LSM8: variants seen among roughly 807,000 people sequenced by gnomAD.
LSM8 encodes LSM8 homolog, U6 small nuclear RNA associated.
LSM8 carries 14 observed loss-of-function variants against 15.0 expected under a neutral mutation model. That is an observed-to-expected ratio of 0.93 (90% CI 0.62 to 1.46). The LOEUF is 1.46. LSM8 is among the 40% of genes most tolerant of loss of function. The pLI is 0.00. For synonymous variants in LSM8, 50 were observed against 42.1 expected, an observed-to-expected ratio of 1.19 and a Z score of -0.73; for missense variants, 90 against 115.4, an observed-to-expected ratio of 0.78 and a Z score of 1.01.
rs1265109826 is a variant in LSM8 at position 118,198,891 on chromosome 7, G to A, written c.*6889G>A. 1.3e-5 allele frequency among the ~76,000 whole-genome samples: 2 copies of A among 152,124 alleles called. 1 individual carries two copies. The highest frequency in any genetic ancestry group is 1.3e-4 in the Admixed American group (2 of 15,268). Reference sequence around the variant, plus strand: ...CCTTGCTGTTACAGTTTAAGCTCTGGGAAACGAGATTCAGGAGCTAAGGTC... The same window carrying A: ...CCTTGCTGTTACAGTTTAAGCTCTGAGAAACGAGATTCAGGAGCTAAGGTC... On this transcript the variant is annotated 3_prime_UTR_variant, in exon 4 of 4. Transcript: ENST00000249299.
intron 3 of LSM8, 72 bp downstream of exon 3, chr7:118,188,477 ATACCC>A: frequency 7.3e-7 from 1 of 1,376,596 alleles, no homozygotes; most frequent in Non-Finnish European, 1.0e-6. Flanking sequence ...TTTCCCCAAA[ATACCC>A]TACTGTATTG....
intron 3 of LSM8, chr7:118,189,132 C>T (rs2286857): frequency 0.069 from 10,450 of 151,988 alleles, 386 homozygotes; most frequent in East Asian, 0.11. Flanking sequence ...TGGTGGCGTG[C>T]GCCTGTAGTT....
Position 118,200,755 on chromosome 7 carries a change from C to G in LSM8, c.*8753C>G, listed in dbSNP as rs1303259754. On this transcript the variant is annotated 3_prime_UTR_variant, in exon 4 of 4. Coordinates refer to ENST00000249299, the MANE Select transcript of LSM8 (RefSeq NM_016200.5). ...TAAGTGTTTGAATTTACACTTTTTT[C>G]TCCTGTGACAGCATCTATTCCCAAG... 2.0e-5 allele frequency among the ~76,000 whole-genome samples: 3 copies of G among 151,846 alleles called. No homozygotes were observed. Among genetic ancestry groups the G allele is most frequent in the East Asian group, 3.9e-4 (2 of 5,184 alleles).
chr7:118,196,659 CCTT>C lies in LSM8; in HGVS notation c.*4661_*4663del, dbSNP rs1213046572. 6.7e-6 allele frequency among the ~76,000 whole-genome samples: 1 copy of C among 148,394 alleles called. No individual in the cohort carries two copies. Among genetic ancestry groups the C allele is most frequent in the African/African-American group, 2.5e-5 (1 of 40,426 alleles). ...AGTTTTTTGTTATGCCTTTTCATTTCCTTCTTTTTTTAATGTTTCTTTTTTTTT... is the reference window on the plus strand; with the variant it reads ...AGTTTTTTGTTATGCCTTTTCATTTCCTTTTTTTAATGTTTCTTTTTTTTT... On this transcript the variant is annotated 3_prime_UTR_variant, in exon 4 of 4. Coordinates refer to ENST00000249299, the MANE Select transcript of LSM8 (RefSeq NM_016200.5).
chr7:118,190,261 A>AAGTAATGAGAG (rs1394831952), intron 3 of LSM8: 24 of 152,212 alleles, frequency 1.6e-4, no homozygotes, highest in African/African-American at 4.8e-4. Context: ...GGTGAGCTGT[A>AAGTAATGAGAG]AGTAATGAGA....
In LSM8 at chr7:118,202,460, C is replaced by G. The variant is rs1287100251; in HGVS notation, c.*10458C>G. 6.6e-6 allele frequency among the ~76,000 whole-genome samples: 1 copy of G among 151,990 alleles called. No homozygotes were observed. Among genetic ancestry groups the G allele is most frequent in the East Asian group, 1.9e-4 (1 of 5,192 alleles). ...CCATCCTTTTGTTCTAATAATTTGCCTGTCATCTCGTGACTCATATTTTCC... is the reference window on the plus strand; with the variant it reads ...CCATCCTTTTGTTCTAATAATTTGCGTGTCATCTCGTGACTCATATTTTCC... On this transcript the variant is annotated 3_prime_UTR_variant, in exon 4 of 4. Coordinates refer to ENST00000249299, the MANE Select transcript of LSM8 (RefSeq NM_016200.5).
In LSM8 at chr7:118,187,048, A is replaced by G. The variant is rs117398225; in HGVS notation, c.73-1230A>G. Reference sequence around the variant, plus strand: ...GTAGTTCTGTATTTCTTTGACACATAATTTATTTGATGGGATAATGTGTAA... The same window carrying G: ...GTAGTTCTGTATTTCTTTGACACATGATTTATTTGATGGGATAATGTGTAA... On this transcript the variant is annotated intron_variant, in intron 2 of 3. Transcript: ENST00000249299. 1.2e-4 allele frequency among the ~76,000 whole-genome samples: 19 copies of G among 152,294 alleles called. No homozygotes were observed. The East Asian group carries it at 3.7e-3, about 29-fold the overall frequency.
At position 118,193,334 on chromosome 7, in the gene LSM8, A is replaced by C. The variant is rs995539199; in HGVS notation, c.*1332A>C. Among the ~76,000 whole-genome samples, 3 of 152,164 alleles carry C rather than the reference A, an allele frequency of 2.0e-5. No homozygotes were observed. Among genetic ancestry groups the C allele is most frequent in the Non-Finnish European group, 4.4e-5 (3 of 67,984 alleles). ...CCCTTGGCTTAATACAAGTTCAATA[A>C]GAAAAAATGAACAATTTGTATAAAT... On this transcript the variant is annotated 3_prime_UTR_variant, in exon 4 of 4. Coordinates refer to ENST00000249299, the MANE Select transcript of LSM8 (RefSeq NM_016200.5).
chr7:118,192,747 T>C lies in LSM8; in HGVS notation c.*745T>C, dbSNP rs1410689503. On this transcript the variant is annotated 3_prime_UTR_variant, in exon 4 of 4. Coordinates refer to ENST00000249299, the MANE Select transcript of LSM8 (RefSeq NM_016200.5). Reference sequence around the variant, plus strand: ...TTGATTCCATGTAGTCTTCAATTTTTAATTTTTAAGAATTGGAGAATTTCT... The same window carrying C: ...TTGATTCCATGTAGTCTTCAATTTTCAATTTTTAAGAATTGGAGAATTTCT... 6 of 152,202 alleles carry C rather than the reference T, an allele frequency of 3.9e-5. No homozygotes were observed. In the East Asian group the frequency reaches 1.2e-3, roughly 29 times the overall value. The allele number at this position is 152,202 out of a possible 1,614,324, so 9.4% of individuals were successfully genotyped here. A position where few individuals can be genotyped will look rare whatever the true frequency, so the allele number is the denominator to read the frequency against.
At chr7:118,189,771 G>T (rs572855624) in intron 3 of LSM8, 2 of 152,018 alleles carry the variant, frequency 1.3e-5, no homozygotes, top group Admixed American at 1.3e-4. Context: ...TGAGGCAGAA[G>T]AATTTCTTGA....
In LSM8 at chr7:118,202,078, A is replaced by C. The variant is rs1809180913; in HGVS notation, c.*10076A>C. ...AGGAGGCAGTAATTTAGGACAGCTTAAACATTCTGGCTGACTGCCTCATCA... is the reference window on the plus strand; with the variant it reads ...AGGAGGCAGTAATTTAGGACAGCTTCAACATTCTGGCTGACTGCCTCATCA... On this transcript the variant is annotated 3_prime_UTR_variant, in exon 4 of 4. Transcript: ENST00000249299. 6.6e-6 allele frequency among the ~76,000 whole-genome samples: 1 copy of C among 152,116 alleles called. No individual in the cohort carries two copies. Among genetic ancestry groups the C allele is most frequent in the Non-Finnish European group, 1.5e-5 (1 of 67,978 alleles).
Position 118,198,775 on chromosome 7 carries a change from C to T in LSM8, c.*6773C>T, listed in dbSNP as rs750001971. ...AATCCTTTTTATTGCAAAGAAAGGA[C>T]CTGTCCTTCACCAGTTCCTGGAAGA... On this transcript the variant is annotated 3_prime_UTR_variant, in exon 4 of 4. Coordinates refer to ENST00000249299, the MANE Select transcript of LSM8 (RefSeq NM_016200.5). 4.6e-5 allele frequency among the ~76,000 whole-genome samples: 7 copies of T among 152,144 alleles called. No individual in the cohort carries two copies. Among genetic ancestry groups the T allele is most frequent in the Non-Finnish European group, 8.8e-5 (6 of 68,030 alleles).
In LSM8 at chr7:118,195,514, A is replaced by G. The variant is rs975212476; in HGVS notation, c.*3512A>G. 1.3e-5 allele frequency among the ~76,000 whole-genome samples: 2 copies of G among 152,332 alleles called. No individual in the cohort carries two copies. Among genetic ancestry groups the G allele is most frequent in the Admixed American group, 6.5e-5 (1 of 15,296 alleles). On this transcript the variant is annotated 3_prime_UTR_variant, in exon 4 of 4. Transcript: ENST00000249299. ...ACTGACTACCATATCTCTACAAGAGAATAGATGAGGAATTGAGGTTATGTG... is the reference window on the plus strand; with the variant it reads ...ACTGACTACCATATCTCTACAAGAGGATAGATGAGGAATTGAGGTTATGTG...
chr7:118,196,247 A>G lies in LSM8; in HGVS notation c.*4245A>G, dbSNP rs1277308353. On this transcript the variant is annotated 3_prime_UTR_variant, in exon 4 of 4. Coordinates refer to ENST00000249299, the MANE Select transcript of LSM8 (RefSeq NM_016200.5). ...CTTCTATCTGTCTGTATCTACCTCAACCAAATCATCTTGACTCAGATTTAC... is the reference window on the plus strand; with the variant it reads ...CTTCTATCTGTCTGTATCTACCTCAGCCAAATCATCTTGACTCAGATTTAC... Among the ~76,000 whole-genome samples the G allele has an allele frequency of 1.3e-5, 2 of 152,180 alleles. No individual in the cohort carries two copies. The highest frequency in any genetic ancestry group is 2.9e-5 in the Non-Finnish European group (2 of 68,028).
intron 2 of LSM8, 23 bp from the exon 3 acceptor site, chr7:118,188,255 T>G: frequency 1.9e-6 from 3 of 1,610,886 alleles, no homozygotes; most frequent in Non-Finnish European, 2.5e-6. Context: ...TTTCTCTTTT[T>G]CTCCTGAATA....
rs149645688 is a variant in LSM8, at chr7:118,195,785, C to A, written c.*3783C>A. On this transcript the variant is annotated 3_prime_UTR_variant, in exon 4 of 4. Coordinates refer to ENST00000249299, the MANE Select transcript of LSM8 (RefSeq NM_016200.5). ...GTGAATCTCAGTTTTAAGTCATGGGCAAATTTGATAAAAATTCCTTTCTGT... is the reference window on the plus strand; with the variant it reads ...GTGAATCTCAGTTTTAAGTCATGGGAAAATTTGATAAAAATTCCTTTCTGT... 7.5e-4 allele frequency among the ~76,000 whole-genome samples: 114 copies of A among 152,056 alleles called. No individual in the cohort carries two copies. Among genetic ancestry groups the A allele is most frequent in the African/African-American group, 2.6e-3 (109 of 41,478 alleles).
In LSM8 at chr7:118,194,354, C is replaced by T. The variant is rs1203813207; in HGVS notation, c.*2352C>T. Among the ~76,000 whole-genome samples, 1 of 92,958 alleles carries T rather than the reference C, an allele frequency of 1.1e-5. No individual in the cohort carries two copies. The highest frequency in any genetic ancestry group is 2.2e-5 in the Non-Finnish European group (1 of 45,458). The allele number at this position is 92,958 out of a possible 152,430, so 61.0% of individuals were successfully genotyped here. On this transcript the variant is annotated 3_prime_UTR_variant, in exon 4 of 4. Transcript: ENST00000249299. The stretch of plus-strand genomic sequence containing the variant: ...GTTATTTGGAAAGGGCAATTAACTG[C>T]AAAAGGGACTTTTTTTTTTTTAACT...
chr7:118,203,787 A>C lies in LSM8; in HGVS notation c.*11785A>C, dbSNP rs886291920. Reference sequence around the variant, plus strand: ...GTGATTTCAAACATTTAATATGTGCACATGTATATTATAATATACTCATCC... The same window carrying C: ...GTGATTTCAAACATTTAATATGTGCCCATGTATATTATAATATACTCATCC... On this transcript the variant is annotated 3_prime_UTR_variant, in exon 4 of 4. Coordinates refer to ENST00000249299, the MANE Select transcript of LSM8 (RefSeq NM_016200.5). Among the ~76,000 whole-genome samples, 1 of 151,820 alleles carries C rather than the reference A, an allele frequency of 6.6e-6. No individual in the cohort carries two copies. The highest frequency in any genetic ancestry group is 2.4e-5 in the African/African-American group (1 of 41,396).
At chr7:118,190,041 A>C (rs1808952897) in intron 3 of LSM8, 1 of 152,224 alleles carries the variant, frequency 6.6e-6, no homozygotes, top group African/African-American at 2.4e-5. Flanking sequence ...GGAAAGAAGC[A>C]AAAGATACAT....
Sources: gnomAD v4.1 joint callset for allele counts (sites outside exome capture counted in the v4.1 genomes callset) on GRCh38, gnomAD v4.1.1 for gene constraint, MANE v1.5 for transcripts, NCBI Gene and HGNC (gene_info 2026-07-23, HGNC 2026-07-21) for gene names.